The following RPS20 variants were observed in gnomAD, a reference collection of about 807,000 sequenced individuals.
RPS20 encodes the protein ribosomal protein S20, also known as small ribosomal subunit protein uS10.
In RPS20, 3 loss-of-function variants were observed where a neutral mutation model predicts 15.3. The ratio of observed to expected loss-of-function variants is 0.20; its 90% CI spans 0.09 to 0.51. The LOEUF is 0.51. Ranked by LOEUF, RPS20 falls within the 20% of genes least tolerant of loss-of-function variation. The probability of loss-of-function intolerance (pLI) is 0.96; values close to 1 mark genes in which losing one functional copy is unlikely to be tolerated. For synonymous variants in RPS20, 62 were observed against 47.8 expected (o/e 1.30, Z -1.23); for missense variants, 67 against 145.9 (o/e 0.46, Z 2.79).
chr8:56,074,222 G>A (rs772323670), intron 1 of RPS20, 63 bp from the exon 2 acceptor site: 20 of 1,545,624 alleles, frequency 1.3e-5, no homozygotes, highest in East Asian at 2.2e-5. Flanking sequence ...CTGGAGAAAG[G>A]CAGCTTCCGG....
downstream of RPS20, among the ~76,000 whole-genome samples, chr8:56,068,946 G>A (rs1040360930): frequency 2.7e-5 from 4 of 146,562 alleles, no homozygotes; most frequent in Admixed American, 7.0e-5. Context: ...CCACAGGCAC[G>A]CACTGCCACG....
chr8:56,073,386 A>G lies in RPS20; in HGVS notation c.178-114T>C, dbSNP rs139428379. 214 of 751,926 alleles carry G rather than the reference A, an allele frequency of 2.8e-4. No homozygotes were observed. In the East Asian group the frequency reaches 3.6e-3, roughly 13 times the overall value. 46.6% of individuals were successfully genotyped at this position (751,926 alleles called of 1,614,324 possible). A position where few individuals can be genotyped will look rare whatever the true frequency, so the allele number is the denominator to read the frequency against. ...TTAGTTTCCCTTTGGTATGATTCCA[A>G]TTTACACTAATAGATTTTCAGGTAC... On this transcript the variant is annotated intron_variant, in intron 3 of 3. Transcript: ENST00000009589.
At chr8:56,072,775 G>T (rs947175494), downstream of RPS20, 11 of 668,630 alleles carry the variant, frequency 1.6e-5, no homozygotes, top group Middle Eastern at 1.5e-3. Flanking sequence ...CTCAACCATG[G>T]GTGTGCATTA....
At chr8:56,073,613 G>C (rs1052225650) in intron 3 of RPS20, 82 bp downstream of exon 3, 9 of 1,126,706 alleles carry the variant, frequency 8.0e-6, no homozygotes, top group Admixed American at 6.8e-5. Context: ...TAACAATTTT[G>C]GCAGCCGAAC....
At chr8:56,073,350 T>C in intron 3 of RPS20, 78 bp from the exon 4 acceptor site, 1 of 924,222 alleles carries the variant, frequency 1.1e-6, no homozygotes, top group Non-Finnish European at 1.7e-6. Flanking sequence ...TCATTACTTC[T>C]AATCATTTCA....
At chr8:56,072,745 G>T, downstream of RPS20, 2 of 327,434 alleles carry the variant, frequency 6.1e-6, no homozygotes, top group Non-Finnish European at 8.7e-6. Flanking sequence ...TTTAACACGT[G>T]CCTACTAGCG....
downstream of RPS20, among the ~76,000 whole-genome samples, chr8:56,071,816 T>C (rs1240931916): frequency 1.3e-5 from 2 of 152,226 alleles, no homozygotes; most frequent in East Asian, 3.8e-4. Context: ...TTACCCAACT[T>C]TGATCCTATT....
chr8:56,073,828 T>C (rs754110059), intron 2 of RPS20, 60 bp from the exon 3 acceptor site: 2 of 1,447,710 alleles, frequency 1.4e-6, no homozygotes, highest in South Asian at 2.3e-5. Flanking sequence ...CTTAAGGCCT[T>C]CACTTCTGCT....
chr8:56,071,461 A>C (rs1241720328), downstream of RPS20, among the ~76,000 whole-genome samples: 1 of 152,240 alleles, frequency 6.6e-6, no homozygotes, highest in African/African-American at 2.4e-5. Context: ...AATTCATTCC[A>C]GACTCAGTTC....
At chr8:56,074,335 C>A in intron 1 of RPS20, 46 bp downstream of exon 1, 1 of 1,547,044 alleles carries the variant, frequency 6.5e-7, no homozygotes. Flanking sequence ...GTCCCCCCGG[C>A]GCCCGAGCCC....
chr8:56,073,140 T>C lies in RPS20; in HGVS notation c.310A>G (p.Ile104Val). 1 of 1,598,182 alleles carries C rather than the reference T, an allele frequency of 6.3e-7. No homozygotes were observed. Among genetic ancestry groups the C allele is most frequent in the Non-Finnish European group, 8.5e-7 (1 of 1,179,572 alleles). The change falls in exon 4 of 4, where the codon ATC becomes GTC. Residue 104 changes from isoleucine to valine, a missense_variant. By Grantham distance (29) the Ile-to-Val change is conservative (BLOSUM62 3). Coordinates refer to ENST00000009589, the MANE Select transcript of RPS20 (RefSeq NM_001023.4). ...PSEIVKQITS[I>V]SIEPGVEVEV... Reference sequence around the variant, plus strand: ...ACCTCAACTCCTGGCTCAATACTGATGGAAGTAATCTGCTTAACAATCTCA... The same window carrying C: ...ACCTCAACTCCTGGCTCAATACTGACGGAAGTAATCTGCTTAACAATCTCA...
At chr8:56,073,383 C>T (rs961916137) in intron 3 of RPS20, 111 bp from the exon 4 acceptor site, 1 of 762,624 alleles carries the variant, frequency 1.3e-6, no homozygotes, top group Non-Finnish European at 2.2e-6. Flanking sequence ...TGGTATGATT[C>T]CAATTTACAC....
chr8:56,068,982 G>C (rs11774957), downstream of RPS20, among the ~76,000 whole-genome samples: 3 of 151,700 alleles, frequency 2.0e-5, no homozygotes, highest in Non-Finnish European at 4.4e-5. Flanking sequence ...ATTTTTAGCA[G>C]AGACAGGGTT....
At chr8:56,072,608 A>AT (rs1403928809), downstream of RPS20, among the ~76,000 whole-genome samples, 3 of 141,584 alleles carry the variant, frequency 2.1e-5, no homozygotes, top group Admixed American at 2.0e-4. Context: ...CACTGAAAAT[A>AT]TAAGTATTTT....
rs1809875226 is a variant in RPS20, at chr8:56,074,440, T to A, written c.-57A>T. Reference sequence around the variant, plus strand: ...GTTCCTCGGCGAGAGCGAACAGCGGTGAGTCAGGAGCAGGAGCGTGCGGAC... The same window carrying A: ...GTTCCTCGGCGAGAGCGAACAGCGGAGAGTCAGGAGCAGGAGCGTGCGGAC... On this transcript the variant is annotated 5_prime_UTR_variant, in exon 1 of 4. Transcript: ENST00000009589. 6.5e-7 allele frequency: 1 copy of A among 1,541,110 alleles called. No homozygotes were observed. Among genetic ancestry groups the A allele is most frequent in the Non-Finnish European group, 8.7e-7 (1 of 1,148,994 alleles).
chr8:56,073,586 G>C, intron 3 of RPS20, 109 bp downstream of exon 3: 1 of 867,464 alleles, frequency 1.2e-6, no homozygotes, highest in East Asian at 2.4e-5. Context: ...ATGTGCGTTT[G>C]TAGACAGCAT....
At position 56,074,079 on chromosome 8, in the gene RPS20, G is replaced by T. The variant is rs759875167; in HGVS notation, c.84C>A (p.Asn28Lys). The T allele has an allele frequency of 6.2e-7, 1 of 1,613,612 alleles. No homozygotes were observed. The highest frequency in any genetic ancestry group is 8.5e-7 in the Non-Finnish European group (1 of 1,179,840). The stretch of plus-strand genomic sequence containing the variant: ...ACTGACCCTTTTCCAAGGATTTTAC[G>T]TTGCGGCTTGTTAGGGTGATTCGAA... Reference protein sequence around the residue: ...HRIRITLTSRNVKSLEKVCAD... With the variant: ...HRIRITLTSRKVKSLEKVCAD... Residue 28 changes from asparagine (N) to lysine (K), a missense_variant, in exon 2 of 4, where the codon AAC (asparagine) becomes AAA (lysine). Coordinates refer to ENST00000009589, the MANE Select transcript of RPS20 (RefSeq NM_001023.4).
exon 6 of RPS20, chr8:56,067,478 G>A (rs1809643679): frequency 6.6e-6 from 1 of 152,196 alleles, no homozygotes; most frequent in South Asian, 2.1e-4. Flanking sequence ...GAGGTCAGGA[G>A]ATGGAGACCA....
At position 56,074,439 on chromosome 8, in the gene RPS20, G is replaced by C; in HGVS notation, c.-56C>G. ...TGTTCCTCGGCGAGAGCGAACAGCG[G>C]TGAGTCAGGAGCAGGAGCGTGCGGA... is the stretch of plus-strand genomic sequence containing the variant. On this transcript the variant is annotated 5_prime_UTR_variant, in exon 1 of 4. Coordinates refer to ENST00000009589, the MANE Select transcript of RPS20 (RefSeq NM_001023.4). 1 of 1,541,914 alleles carries C rather than the reference G, an allele frequency of 6.5e-7. No individual in the cohort carries two copies. Among genetic ancestry groups the C allele is most frequent in the Admixed American group, 1.9e-5 (1 of 52,338 alleles).
Sources: allele counts gnomAD v4.1 joint callset (sites outside exome capture counted in the v4.1 genomes callset), GRCh38; gene constraint gnomAD v4.1.1; transcripts MANE v1.5; gene names NCBI Gene and HGNC (gene_info 2026-07-23, HGNC 2026-07-21).